The following PCDHGA11 variants were observed in gnomAD, a reference collection of about 807,000 sequenced individuals.
PCDHGA11 encodes protocadherin gamma-A11.
PCDHGA11 carries 39 observed loss-of-function variants against 60.4 expected under a neutral mutation model. The observed-to-expected ratio is 0.65, with a 90% CI of 0.50 to 0.84. PCDHGA11 has a LOEUF of 0.84. Among genes scored for constraint, PCDHGA11 ranks in the 40% least tolerant of loss-of-function variants. The probability of loss-of-function intolerance (pLI) is 0.00; values close to 1 mark genes in which losing one functional copy is unlikely to be tolerated. For missense variants in PCDHGA11, 1,165 were observed against 1,197.7 expected (o/e 0.97, Z 0.40); for synonymous variants, 533 against 510.3 (o/e 1.04, Z -0.60).
Position 141,485,548 on chromosome 5 carries a change from T to C in PCDHGA11, c.2434-9259T>C, listed in dbSNP as rs749739126. ...ACCGAGCAGAGGTAGAGATCGTAGA[T>C]GTGAATGATCACGCCCCCCGTTTTC... On this transcript the variant is annotated intron_variant, in intron 1 of 3. Transcript: ENST00000398587. This position sits in a 1 kb window ranked among gnomAD's most constrained non-coding sequence, Gnocchi z 5.7. The C allele has an allele frequency of 3.1e-6, 5 of 1,614,040 alleles. No homozygotes were observed. The highest frequency in any genetic ancestry group is 3.4e-6 in the Non-Finnish European group (4 of 1,179,942).
chr5:141,466,147 G>A (rs2099117729), intron 1 of PCDHGA11, among the ~76,000 whole-genome samples: 1 of 151,722 alleles, frequency 6.6e-6, no homozygotes, highest in South Asian at 2.1e-4. Flanking sequence ...TGAAAACTCT[G>A]GTCTTAAACT....
chr5:141,472,095 C>T (rs1186697747), intron 1 of PCDHGA11, among the ~76,000 whole-genome samples: 1 of 151,998 alleles, frequency 6.6e-6, no homozygotes, highest in African/African-American at 2.4e-5. Flanking sequence ...TATTATTATT[C>T]CCATTTTATA....
chr5:141,438,806 C>T (rs866521707), intron 1 of PCDHGA11, among the ~76,000 whole-genome samples: 20 of 149,390 alleles, frequency 1.3e-4, no homozygotes, highest in Admixed American at 6.7e-4. Flanking sequence ...GGATTACAGG[C>T]GCCTGTCACC....
intron 1 of PCDHGA11, among the ~76,000 whole-genome samples, chr5:141,482,767 A>G (rs2099572087): frequency 6.6e-6 from 1 of 150,474 alleles, no homozygotes; most frequent in East Asian, 1.9e-4. Flanking sequence ...TTTCATTATC[A>G]CTGAACCTTA....
intron 1 of PCDHGA11, among the ~76,000 whole-genome samples, chr5:141,438,606 A>G: frequency 3.6e-5 from 1 of 27,780 alleles, no homozygotes; most frequent in African/African-American, 2.7e-4. Flanking sequence ...ATATATATAT[A>G]TATATATATA....
intron 1 of PCDHGA11, among the ~76,000 whole-genome samples, chr5:141,481,300 GA>G (rs998363845): frequency 3.3e-5 from 5 of 152,248 alleles, no homozygotes; most frequent in African/African-American, 1.2e-4. Context: ...TCATCTAAGG[GA>G]AAAACCTTCC....
At chr5:141,452,084 C>CGG (rs1561946918) in intron 1 of PCDHGA11, among the ~76,000 whole-genome samples, 1 of 152,170 alleles carries the variant, frequency 6.6e-6, no homozygotes, top group Non-Finnish European at 1.5e-5. Context: ...TGGCATTATA[C>CGG]AGTAAGAAAG....
At chr5:141,433,605 G>C (rs1411907056) in intron 1 of PCDHGA11, among the ~76,000 whole-genome samples, 1 of 152,114 alleles carries the variant, frequency 6.6e-6, no homozygotes. Context: ...GGAGGCCGAG[G>C]CGGGTGGATC....
intron 1 of PCDHGA11, among the ~76,000 whole-genome samples, chr5:141,446,323 A>G (rs1372501599): frequency 6.6e-6 from 1 of 152,216 alleles, no homozygotes. Flanking sequence ...GGGTTTCCAC[A>G]TTAAGGAACT....
At position 141,493,774 on chromosome 5, in the gene PCDHGA11, C is replaced by T. The variant is rs2099749996; in HGVS notation, c.2434-1033C>T. On this transcript the variant is annotated intron_variant, in intron 1 of 3. Coordinates refer to ENST00000398587, the MANE Select transcript of PCDHGA11 (RefSeq NM_018914.3). The surrounding 1 kb of genome is among the most constrained non-coding windows in gnomAD (Gnocchi z 4.3). ...GCCTTGAGTGAGCCACTGGCAGTTC[C>T]GGAGCTTCCTTCTCCCTGGAGTAAT... Among the ~76,000 whole-genome samples, 1 of 152,258 alleles carries T rather than the reference C, an allele frequency of 6.6e-6. No homozygotes were observed. The highest frequency in any genetic ancestry group is 1.9e-4 in the East Asian group (1 of 5,176).
chr5:141,457,466 A>C (rs1404739941), intron 1 of PCDHGA11, among the ~76,000 whole-genome samples: 1 of 152,356 alleles, frequency 6.6e-6, no homozygotes, highest in East Asian at 1.9e-4. Context: ...ATTCACAGGA[A>C]TAAGCAGGGC....
At position 141,486,616 on chromosome 5, in the gene PCDHGA11, C is replaced by T. The variant is rs759167270; in HGVS notation, c.2434-8191C>T. On this transcript the variant is annotated intron_variant, in intron 1 of 3. Coordinates refer to ENST00000398587, the MANE Select transcript of PCDHGA11 (RefSeq NM_018914.3). The surrounding 1 kb of genome is among the most constrained non-coding windows in gnomAD (Gnocchi z 5.0). ...TGCTTTGCTCCCTTGCAGCCTCTGA[C>T]CCAGACTCTGGCTTGAATGCGCTTA... is the stretch of plus-strand genomic sequence containing the variant. 2 of 1,613,500 alleles carry T rather than the reference C, an allele frequency of 1.2e-6. No individual in the cohort carries two copies. The highest frequency in any genetic ancestry group is 3.3e-5 in the Admixed American group (2 of 60,004).
intron 3 of PCDHGA11, among the ~76,000 whole-genome samples, chr5:141,508,937 G>T (rs764041162): frequency 3.0e-4 from 45 of 152,040 alleles, no homozygotes; most frequent in Non-Finnish European, 6.3e-4. Flanking sequence ...AGTTAATTAG[G>T]GAAAACAGAG....
At chr5:141,449,737 A>T (rs1174103155) in intron 1 of PCDHGA11, among the ~76,000 whole-genome samples, 3 of 151,666 alleles carry the variant, frequency 2.0e-5, no homozygotes, top group Non-Finnish European at 4.4e-5. Flanking sequence ...TTTTTATGAC[A>T]TGATTATTTT....
intron 2 of PCDHGA11, among the ~76,000 whole-genome samples, chr5:141,501,290 T>TACACACACACACAC (rs55762287): frequency 7.3e-6 from 1 of 136,164 alleles, no homozygotes; most frequent in Non-Finnish European, 1.6e-5. Context: ...TATTCCCTTA[T>TACACACACACACAC]ACACACACAC....
At chr5:141,501,355 A>G (rs936121172) in intron 2 of PCDHGA11, among the ~76,000 whole-genome samples, 4 of 151,760 alleles carry the variant, frequency 2.6e-5, no homozygotes, top group African/African-American at 9.7e-5. Flanking sequence ...ATAGGGCAAG[A>G]ACCATATTCA....
At position 141,485,336 on chromosome 5, in the gene PCDHGA11, G is replaced by A. The variant is rs755039880; in HGVS notation, c.2434-9471G>A. Reference sequence around the variant, plus strand: ...GAATGTCGCTCAAGATTTCCTGCTGGATACGGACAGTCTGTCAGCTCGCAG... The same window carrying A: ...GAATGTCGCTCAAGATTTCCTGCTGAATACGGACAGTCTGTCAGCTCGCAG... On this transcript the variant is annotated intron_variant, in intron 1 of 3. Transcript: ENST00000398587. The surrounding 1 kb of genome is among the most constrained non-coding windows in gnomAD (Gnocchi z 5.7). 3 of 1,614,176 alleles carry A rather than the reference G, an allele frequency of 1.9e-6. No homozygotes were observed. In the South Asian group the frequency reaches 3.3e-5, roughly 18 times the overall value.
intron 2 of PCDHGA11, among the ~76,000 whole-genome samples, chr5:141,498,825 C>A (rs2099786017): frequency 6.6e-6 from 1 of 151,974 alleles, no homozygotes; most frequent in Admixed American, 6.6e-5. Flanking sequence ...CCCAGCTACT[C>A]AGGAGGCTGA....
At chr5:141,500,182 ATT>A (rs1199992745) in intron 2 of PCDHGA11, among the ~76,000 whole-genome samples, 2 of 131,622 alleles carry the variant, frequency 1.5e-5, no homozygotes, top group African/African-American at 3.1e-5. Flanking sequence ...CTTCATTTTT[ATT>A]TTTATTTATT....
Sources: allele counts gnomAD v4.1 joint callset (sites outside exome capture counted in the v4.1 genomes callset), GRCh38; gene constraint gnomAD v4.1.1; non-coding constraint Gnocchi (gnomAD v3.1); transcripts MANE v1.5; gene names NCBI Gene and HGNC (gene_info 2026-07-23, HGNC 2026-07-21).